SNTB1: variants seen among roughly 807,000 people sequenced by gnomAD.
The protein encoded by SNTB1 is beta-1-syntrophin.
In SNTB1, 36 loss-of-function variants were observed where a neutral mutation model predicts 48.9. That is an observed-to-expected ratio of 0.74 (90% CI 0.56 to 0.97). The LOEUF is 0.97. Among genes scored for constraint, SNTB1 ranks in the 50% least tolerant of loss-of-function variants. SNTB1 has a pLI of 0.00. For synonymous variants in SNTB1, 299 were observed against 294.6 expected (o/e 1.01, Z -0.15); for missense variants, 786 against 703.4 (o/e 1.12, Z -1.33).
intron 6 of SNTB1, chr8:120,541,222 A>T (rs1815282787): frequency 6.6e-6 from 1 of 152,238 alleles, no homozygotes; most frequent in Non-Finnish European, 1.5e-5. Context: ...GACGAGACGT[A>T]TGTTACTTTA....
At position 120,811,746 on chromosome 8, in the gene SNTB1, C is replaced by T. The variant is rs747161819; in HGVS notation, c.98G>A (p.Arg33His). 16 of 1,547,394 alleles carry T rather than the reference C, an allele frequency of 1.0e-5. No individual in the cohort carries two copies. The Admixed American group carries it at 2.0e-4, about 19-fold the overall frequency. ...CAAGTTCACCAGAACTTTGTGCCAGCGATCCCGCACCAAAACTTCCAGCAG... is the reference window on the plus strand; with the variant it reads ...CAAGTTCACCAGAACTTTGTGCCAGTGATCCCGCACCAAAACTTCCAGCAG... Reference protein sequence around the residue: ...SGLLEVLVRDRWHKVLVNLSE... With the variant: ...SGLLEVLVRDHWHKVLVNLSE... Residue 33 changes from arginine to histidine, a missense_variant, in exon 1 of 7, where the codon CGC becomes CAC. Transcript: ENST00000517992.
chr8:120,657,089 T>A (rs7821110), intron 2 of SNTB1, among the ~76,000 whole-genome samples: 1 of 152,118 alleles, frequency 6.6e-6, no homozygotes. Context: ...TGGATGTCTT[T>A]TTACAATCTC....
intron 3 of SNTB1, among the ~76,000 whole-genome samples, chr8:120,603,818 A>G (rs1563829161): frequency 6.6e-6 from 1 of 152,212 alleles, no homozygotes; most frequent in Non-Finnish European, 1.5e-5. Flanking sequence ...TGATCAATTC[A>G]CTAATCAATC....
chr8:120,798,416 TAGA>T (rs1441905752), intron 1 of SNTB1, among the ~76,000 whole-genome samples: 9 of 151,988 alleles, frequency 5.9e-5, no homozygotes, highest in Admixed American at 4.6e-4. Flanking sequence ...TTAATACAAC[TAGA>T]AGAAGATAAT....
At chr8:120,804,720 C>A (rs555545134) in intron 1 of SNTB1, among the ~76,000 whole-genome samples, 1 of 152,176 alleles carries the variant, frequency 6.6e-6, no homozygotes, top group East Asian at 1.9e-4. Context: ...TGTAATACGC[C>A]CCCCCAAGGC....
intron 1 of SNTB1, chr8:120,761,281 G>A (rs1819414371): frequency 6.6e-6 from 1 of 152,146 alleles, no homozygotes; most frequent in Non-Finnish European, 1.5e-5. Flanking sequence ...TAAAAACAAG[G>A]ACACCAGCAG....
intron 3 of SNTB1, among the ~76,000 whole-genome samples, chr8:120,605,749 G>A (rs901562212): frequency 1.3e-5 from 2 of 152,146 alleles, no homozygotes; most frequent in African/African-American, 2.4e-5. Flanking sequence ...GTGAGGTTGC[G>A]CTCTGACTCC....
In SNTB1 at chr8:120,731,149, A is replaced by G. The variant is rs147479640; in HGVS notation, c.572-37241T>C. On this transcript the variant is annotated intron_variant, in intron 1 of 6. Coordinates refer to ENST00000517992, the MANE Select transcript of SNTB1 (RefSeq NM_021021.4). ...AAAGTATAATAATAAAAAATTAAAC[A>G]AATAATAAATAATAGCTAAGAAGAA... Among the ~76,000 whole-genome samples, 583 of 152,282 alleles carry G rather than the reference A, an allele frequency of 3.8e-3. 4 individuals carry two copies. The highest frequency in any genetic ancestry group is 0.013 in the African/African-American group (558 of 41,564).
At chr8:120,712,152 G>A (rs1056507444) in intron 1 of SNTB1, among the ~76,000 whole-genome samples, 2 of 152,080 alleles carry the variant, frequency 1.3e-5, no homozygotes, top group South Asian at 2.1e-4. Context: ...GGTGGCTCAC[G>A]CCTGTAATCC....
chr8:120,577,459 A>AATAAAGTATGGTCTC, intron 3 of SNTB1, among the ~76,000 whole-genome samples: 1 of 152,350 alleles, frequency 6.6e-6, no homozygotes, highest in East Asian at 1.9e-4. Context: ...CTGCAAGGTG[A>AATAAAGTATGGTCTC]ATAAAGTATG....
intron 3 of SNTB1, 54 bp from the exon 4 acceptor site, chr8:120,575,279 T>C (rs1331878189): frequency 6.2e-7 from 1 of 1,609,662 alleles, no homozygotes; most frequent in East Asian, 2.2e-5. Context: ...AGGATGATTA[T>C]GAGAAGTTGG....
At chr8:120,565,504 C>T (rs921765115) in intron 4 of SNTB1, among the ~76,000 whole-genome samples, 2 of 152,092 alleles carry the variant, frequency 1.3e-5, no homozygotes, top group African/African-American at 2.4e-5. Context: ...CTGGAGCATT[C>T]GTGTGATGGA....
chr8:120,582,397 A>G (rs745840579), intron 3 of SNTB1, among the ~76,000 whole-genome samples: 5 of 152,200 alleles, frequency 3.3e-5, no homozygotes, highest in Non-Finnish European at 5.9e-5. Context: ...AAAATTTAAA[A>G]TCAAAATAAG....
At chr8:120,740,448 A>G (rs960815313) in intron 1 of SNTB1, among the ~76,000 whole-genome samples, 8 of 152,246 alleles carry the variant, frequency 5.3e-5, no homozygotes, top group Admixed American at 2.0e-4. Context: ...GACATATTTT[A>G]AGGACTTGAG....
chr8:120,581,484 G>A (rs28716772), intron 3 of SNTB1, among the ~76,000 whole-genome samples: 34,405 of 151,860 alleles, frequency 0.23, 4,103 homozygotes, highest in Middle Eastern at 0.3. Flanking sequence ...CACACCTGTA[G>A]TCCCAGCTAC....
At chr8:120,692,971 G>A (rs1021256864) in intron 2 of SNTB1, among the ~76,000 whole-genome samples, 1 of 152,186 alleles carries the variant, frequency 6.6e-6, no homozygotes, top group Admixed American at 6.5e-5. Context: ...GGTTCTGCAA[G>A]TTGTACAGGA....
At chr8:120,801,423 C>G (rs1487669513) in intron 1 of SNTB1, among the ~76,000 whole-genome samples, 1 of 151,894 alleles carries the variant, frequency 6.6e-6, no homozygotes, top group African/African-American at 2.4e-5. Flanking sequence ...TTTATAAAAT[C>G]TATTTGTAAC....
intron 1 of SNTB1, among the ~76,000 whole-genome samples, chr8:120,700,863 C>T (rs1434566811): frequency 2.0e-5 from 3 of 152,104 alleles, no homozygotes; most frequent in Non-Finnish European, 2.9e-5. Flanking sequence ...CCGGAAAGTC[C>T]GTCTGATGTG....
intron 1 of SNTB1, among the ~76,000 whole-genome samples, chr8:120,787,553 C>T (rs1037426497): frequency 1.3e-5 from 2 of 151,930 alleles, no homozygotes; most frequent in African/African-American, 2.4e-5. Flanking sequence ...ATCAGAATTA[C>T]TGGAAATGAA....
Sources: gnomAD v4.1 joint callset for allele counts (sites outside exome capture counted in the v4.1 genomes callset) on GRCh38, gnomAD v4.1.1 for gene constraint, MANE v1.5 for transcripts, NCBI Gene and HGNC (gene_info 2026-07-23, HGNC 2026-07-21) for gene names.